The following DGKI variants were observed in gnomAD, a reference collection of about 807,000 sequenced individuals.
The protein encoded by DGKI is diacylglycerol kinase iota, also known as DAG kinase iota.
A neutral mutation model predicts 147.5 loss-of-function variants in DGKI; 55 were observed. That is an observed-to-expected ratio of 0.37 (90% CI 0.30 to 0.47). DGKI has a LOEUF of 0.47. Among genes scored for constraint, DGKI ranks in the 20% least tolerant of loss-of-function variants. The pLI, the probability that DGKI is intolerant of heterozygous loss-of-function variation, is 1.00. For synonymous variants in DGKI, 469 were observed against 477.1 expected (o/e 0.98, Z 0.22); for missense variants, 1,007 against 1,323.8 (o/e 0.76, Z 3.71).
At chr7:137,768,633 C>A (rs1351573853) in intron 1 of DGKI, among the ~76,000 whole-genome samples, 1 of 152,170 alleles carries the variant, frequency 6.6e-6, no homozygotes. Flanking sequence ...GTACAGGCCC[C>A]GGGCAGAATC....
chr7:137,456,538 T>C (rs1239916356), intron 27 of DGKI, among the ~76,000 whole-genome samples: 2 of 151,994 alleles, frequency 1.3e-5, no homozygotes, highest in Non-Finnish European at 2.9e-5. Context: ...GAGGGAGAAA[T>C]GCACAGTTTG....
In DGKI at chr7:137,582,011, T is replaced by C. The variant is rs551719197; in HGVS notation, c.1564-83A>G. ...AATAAAACCTAAAGCTGGACCCCTA[T>C]CTCTGAAGAAGTCCCTAGGAGACAG... On this transcript the variant is annotated intron_variant, in intron 14 of 32. Coordinates refer to ENST00000614521, the MANE Select transcript of DGKI (RefSeq NM_001321708.2). 5 of 1,113,098 alleles carry C rather than the reference T, an allele frequency of 4.5e-6. No homozygotes were observed. In the South Asian group the frequency reaches 6.6e-5, roughly 15 times the overall value. 69.0% of individuals were successfully genotyped at this position (1,113,098 alleles called of 1,614,324 possible). A position where few individuals can be genotyped will look rare whatever the true frequency, so the allele number is the denominator to read the frequency against.
intron 21 of DGKI, among the ~76,000 whole-genome samples, chr7:137,507,170 T>G (rs919721697): frequency 6.6e-6 from 1 of 152,190 alleles, no homozygotes; most frequent in Non-Finnish European, 1.5e-5. Context: ...CCAAGAACTT[T>G]ATACCTTGCC....
At chr7:137,427,475 A>G (rs1812866329) in intron 28 of DGKI, among the ~76,000 whole-genome samples, 1 of 152,124 alleles carries the variant, frequency 6.6e-6, no homozygotes, top group African/African-American at 2.4e-5. Flanking sequence ...ACACCCTAAC[A>G]TCACAATTAA....
At chr7:137,661,252 A>C (rs146703906) in intron 3 of DGKI, among the ~76,000 whole-genome samples, 1 of 152,250 alleles carries the variant, frequency 6.6e-6, no homozygotes, top group Non-Finnish European at 1.5e-5. Context: ...ACCGGTTCTT[A>C]GTCTCCCCAT....
At chr7:137,463,399 G>C in intron 27 of DGKI, 90 bp downstream of exon 27, 1 of 1,535,324 alleles carries the variant, frequency 6.5e-7, no homozygotes, top group Non-Finnish European at 8.8e-7. Context: ...ATTGAAAAGA[G>C]AATCCTGACC....
intron 11 of DGKI, 77 bp from the exon 12 acceptor site, chr7:137,597,984 TGGGTAGGTAG>T: frequency 7.4e-7 from 1 of 1,349,998 alleles, no homozygotes; most frequent in Non-Finnish European, 1.0e-6. Flanking sequence ...GAGGACAACA[TGGGTAGGTAG>T]GGGTGGTGTC....
At chr7:137,583,249 G>A (rs1434757087) in intron 14 of DGKI, among the ~76,000 whole-genome samples, 1 of 152,124 alleles carries the variant, frequency 6.6e-6, no homozygotes, top group Non-Finnish European at 1.5e-5. Flanking sequence ...ACTAAATGAA[G>A]GACCGAGAGA....
chr7:137,408,985 C>T (rs954205653), intron 29 of DGKI, among the ~76,000 whole-genome samples: 3 of 152,144 alleles, frequency 2.0e-5, no homozygotes, highest in African/African-American at 7.2e-5. Flanking sequence ...TCAAACATCC[C>T]ATAAGGTGAA....
Position 137,552,437 on chromosome 7 carries a change from G to T in DGKI, c.2079C>A (p.Ile693=), listed in dbSNP as rs2128966568. Residue 693 remains isoleucine, a synonymous_variant, in exon 20 of 33, where the codon ATC becomes ATA. Transcript: ENST00000614521. ...CCATGTTGGCCTGATTCCTCAGGGA[G>T]ATCCGAATCATAGCTGGGGCCAACC... The part of the protein sequence containing the change: ...PCRLAPAMIR[I]SLRNQANMVQ... The T allele has an allele frequency of 6.2e-7, 1 of 1,614,116 alleles. No homozygotes were observed. Among genetic ancestry groups the T allele is most frequent in the South Asian group, 1.1e-5 (1 of 91,078 alleles).
At chr7:137,638,084 C>T (rs1269851098) in intron 6 of DGKI, among the ~76,000 whole-genome samples, 1 of 152,062 alleles carries the variant, frequency 6.6e-6, no homozygotes, top group South Asian at 2.1e-4. Flanking sequence ...TTGGGAACTG[C>T]TTCCCTTACC....
chr7:137,824,435 G>T (rs1797995187), intron 1 of DGKI, among the ~76,000 whole-genome samples: 1 of 148,516 alleles, frequency 6.7e-6, no homozygotes, highest in South Asian at 2.1e-4. Context: ...AGAATCACTT[G>T]AACCTTGGAA....
At chr7:137,655,382 TAG>T (rs1822182323) in intron 4 of DGKI, among the ~76,000 whole-genome samples, 1 of 152,142 alleles carries the variant, frequency 6.6e-6, no homozygotes, top group East Asian at 1.9e-4. Context: ...GTATTTTTAG[TAG>T]AGACGGGGTT....
chr7:137,615,670 T>C (rs1466283876), intron 8 of DGKI, among the ~76,000 whole-genome samples: 4 of 151,868 alleles, frequency 2.6e-5, no homozygotes, highest in Non-Finnish European at 5.9e-5. Context: ...TTCTCTAATA[T>C]ATTGACCTCC....
chr7:137,514,125 T>C (rs563476337), intron 21 of DGKI, among the ~76,000 whole-genome samples: 1 of 152,154 alleles, frequency 6.6e-6, no homozygotes, highest in Non-Finnish European at 1.5e-5. Flanking sequence ...AAAATGCCCA[T>C]GTTGGTCCTC....
intron 12 of DGKI, among the ~76,000 whole-genome samples, chr7:137,597,463 A>C (rs1008590959): frequency 5.9e-5 from 9 of 152,268 alleles, no homozygotes; most frequent in Non-Finnish European, 1.0e-4. Flanking sequence ...AAAAAAAAAA[A>C]CATAATAATT....
intron 1 of DGKI, among the ~76,000 whole-genome samples, chr7:137,729,332 C>T (rs1794802033): frequency 6.6e-6 from 1 of 152,086 alleles, no homozygotes; most frequent in Non-Finnish European, 1.5e-5. Context: ...GGCTGGTAGA[C>T]CAGCAGCTGG....
In DGKI at chr7:137,637,290, C is replaced by A. The variant is rs182707802; in HGVS notation, c.804+8182G>T. Among the ~76,000 whole-genome samples, 274 of 152,296 alleles carry A rather than the reference C, an allele frequency of 1.8e-3. 1 individual carries two copies. The highest frequency in any genetic ancestry group is 1.0e-3 in the Non-Finnish European group (68 of 68,024). ...CAACTCCGAGTCCGTTTCTTGGGAA[C>A]CCTGAGCTAAAATAATGGTTTGGAT... On this transcript the variant is annotated intron_variant, in intron 6 of 32. Coordinates refer to ENST00000614521, the MANE Select transcript of DGKI (RefSeq NM_001321708.2).
At chr7:137,535,144 A>C in intron 20 of DGKI, among the ~76,000 whole-genome samples, 1 of 152,112 alleles carries the variant, frequency 6.6e-6, no homozygotes, top group East Asian at 1.9e-4. Context: ...GTCCTAGTAA[A>C]CTCATACAGG....
Sources: allele counts gnomAD v4.1 joint callset (sites outside exome capture counted in the v4.1 genomes callset), GRCh38; gene constraint gnomAD v4.1.1; transcripts MANE v1.5; gene names NCBI Gene and HGNC (gene_info 2026-07-23, HGNC 2026-07-21).